Variants in TMF1 observed in about 807,000 individuals in gnomAD.
TMF1 encodes the protein TATA element modulatory factor 1.
TMF1 carries 71 observed loss-of-function variants against 126.5 expected under a neutral mutation model. The observed-to-expected ratio is 0.56, with a 90% CI of 0.46 to 0.68. The LOEUF is 0.68. Among genes scored for constraint, TMF1 ranks in the 30% least tolerant of loss-of-function variants. TMF1 has a pLI of 0.00. For missense variants in TMF1, 1,259 were observed against 1,253.2 expected (o/e 1.00, Z -0.07); for synonymous variants, 461 against 430.5 (o/e 1.07, Z -0.88).
At chr3:69,034,604 T>C (rs2091822365) in intron 9 of TMF1, among the ~76,000 whole-genome samples, 1 of 152,242 alleles carries the variant, frequency 6.6e-6, no homozygotes, top group Non-Finnish European at 1.5e-5. Context: ...CATCCAAATA[T>C]TTCTAAGTAT....
At chr3:69,023,657 T>C (rs1045982933) in intron 16 of TMF1, among the ~76,000 whole-genome samples, 1 of 152,108 alleles carries the variant, frequency 6.6e-6, no homozygotes, top group Non-Finnish European at 1.5e-5. Context: ...TTACCCGGCA[T>C]TTAGCCCACA....
intron 2 of TMF1, among the ~76,000 whole-genome samples, chr3:69,044,840 G>T (rs994837311): frequency 7.9e-5 from 12 of 152,112 alleles, no homozygotes; most frequent in Admixed American, 7.9e-4. Context: ...AAACAATTAG[G>T]CAATATCTAG....
intron 8 of TMF1, among the ~76,000 whole-genome samples, chr3:69,036,102 C>G (rs1195910810): frequency 6.6e-6 from 1 of 152,026 alleles, no homozygotes; most frequent in Non-Finnish European, 1.5e-5. Context: ...TAAGAAATAG[C>G]TGAAAATACT....
At chr3:69,024,222 CTTT>C in intron 15 of TMF1, 42 bp from the exon 16 acceptor site, 3 of 1,462,660 alleles carry the variant, frequency 2.1e-6, no homozygotes, top group Non-Finnish European at 2.7e-6. Flanking sequence ...CAAAACATAT[CTTT>C]TTTAATACTC....
Position 69,048,564 on chromosome 3 carries a change from T to C in TMF1, c.143-2A>G. On this transcript the variant is annotated splice_acceptor_variant, in intron 1 of 16. Transcript: ENST00000398559. LOFTEE classifies it high-confidence loss of function. The stretch of plus-strand genomic sequence containing the variant: ...CTCCACTGACAGGGGAACTTATTCC[T>C]TTAACAAAAAAGTAAATATTAAAAA... 1 of 1,564,602 alleles carries C rather than the reference T, an allele frequency of 6.4e-7. No homozygotes were observed. Among genetic ancestry groups the C allele is most frequent in the Non-Finnish European group, 8.6e-7 (1 of 1,159,092 alleles).
chr3:69,031,529 A>G (rs1462146731), intron 10 of TMF1, among the ~76,000 whole-genome samples: 2 of 152,174 alleles, frequency 1.3e-5, no homozygotes, highest in Non-Finnish European at 2.9e-5. Context: ...TTATACATTA[A>G]TTTTGTAAGA....
chr3:69,026,489 G>A (rs559834999), intron 13 of TMF1, among the ~76,000 whole-genome samples: 10 of 152,130 alleles, frequency 6.6e-5, no homozygotes, highest in Admixed American at 2.6e-4. Flanking sequence ...CCAGCTACTC[G>A]GGAGGCTGAG....
Position 69,038,622 on chromosome 3 carries a change from G to T in TMF1, c.2093C>A (p.Ala698Glu). 3.1e-6 allele frequency: 5 copies of T among 1,614,098 alleles called. No homozygotes were observed. The highest frequency in any genetic ancestry group is 4.2e-6 in the Non-Finnish European group (5 of 1,179,996). ...REMKAKEELS[A>E]ALEKAQEEAR... The stretch of plus-strand genomic sequence containing the variant: ...TTCTTCTTGGGCCTTCTCTAATGCT[G>T]CAGAAAGTTCTTCTTTAGCTTTCAT... Residue 698 changes from alanine to glutamate, a missense_variant, in exon 8 of 17, where the codon GCA becomes GAA. Ala to Glu is a moderately radical substitution (Grantham distance 107). Transcript: ENST00000398559.
intron 3 of TMF1, 145 bp from the exon 4 acceptor site, chr3:69,044,021 G>GA (rs981655529): frequency 1.8e-3 from 923 of 502,952 alleles, no homozygotes; most frequent in South Asian, 2.1e-3. Flanking sequence ...TAACTTTTAA[G>GA]AAAAAAAAAG....
At chr3:69,029,329 G>A (rs1052053108) in intron 11 of TMF1, among the ~76,000 whole-genome samples, 9 of 151,826 alleles carry the variant, frequency 5.9e-5, no homozygotes, top group African/African-American at 2.2e-4. Flanking sequence ...CACAGCACCC[G>A]GCCATAATAT....
At chr3:69,044,631 A>T in intron 2 of TMF1, 36 bp from the exon 3 acceptor site, 1 of 1,439,534 alleles carries the variant, frequency 6.9e-7, no homozygotes, top group Non-Finnish European at 9.6e-7. Context: ...CAGAACGCTT[A>T]GCTTTAAAAA....
intron 10 of TMF1, among the ~76,000 whole-genome samples, chr3:69,031,435 CAT>C (rs770131669): frequency 5.9e-5 from 9 of 151,996 alleles, no homozygotes; most frequent in Admixed American, 3.3e-4. Flanking sequence ...CACACACACA[CAT>C]ACACAAATGA....
intron 15 of TMF1, 157 bp from the exon 16 acceptor site, chr3:69,024,337 A>T (rs550627704): frequency 1.7e-6 from 1 of 586,830 alleles, no homozygotes; most frequent in African/African-American, 2.0e-5. Flanking sequence ...TAAGTAAAGG[A>T]AACAGTGGCA....
At chr3:69,031,081 T>C (rs2091799317) in intron 10 of TMF1, among the ~76,000 whole-genome samples, 2 of 152,190 alleles carry the variant, frequency 1.3e-5, no homozygotes, top group South Asian at 2.1e-4. Flanking sequence ...AAACTACCGA[T>C]ACAAAAACAA....
intron 2 of TMF1, 146 bp downstream of exon 2, chr3:69,047,212 G>T: frequency 2.3e-6 from 2 of 864,884 alleles, no homozygotes; most frequent in Non-Finnish European, 1.7e-6. Context: ...TCAACTTCAA[G>T]GTACTTAATG....
chr3:69,052,238 G>A lies in TMF1; in HGVS notation c.-152C>T. On this transcript the variant is annotated 5_prime_UTR_variant, in exon 1 of 17. Transcript: ENST00000398559. ...TACCCCGACAGCCTCCCGCGAGCCC[G>A]GGATGTTACCCTCGGCCGTTCCCGC... The A allele has an allele frequency of 2.4e-6, 2 of 838,042 alleles. No homozygotes were observed. Among genetic ancestry groups the A allele is most frequent in the South Asian group, 1.9e-5 (1 of 52,074 alleles). 51.9% of individuals were successfully genotyped at this position (838,042 alleles called of 1,614,324 possible).
intron 12 of TMF1, 23 bp from the exon 13 acceptor site, chr3:69,028,015 G>A: frequency 7.2e-7 from 1 of 1,395,166 alleles, no homozygotes. Context: ...AATAAAGTTA[G>A]ACAATTTCTG....
chr3:69,045,572 G>A (rs2091891016), intron 2 of TMF1, among the ~76,000 whole-genome samples: 1 of 152,044 alleles, frequency 6.6e-6, no homozygotes, highest in African/African-American at 2.4e-5. Context: ...TTGAGGTCAG[G>A]AGTTCAAGAC....
Position 69,044,121 on chromosome 3 carries a change from A to C in TMF1, c.1452-245T>G, listed in dbSNP as rs190004919. Among the ~76,000 whole-genome samples the C allele has an allele frequency of 1.4e-4, 22 of 152,344 alleles. No individual in the cohort carries two copies. In the East Asian group the frequency reaches 4.0e-3, roughly 28 times the overall value. On this transcript the variant is annotated intron_variant, in intron 3 of 16. Coordinates refer to ENST00000398559, the MANE Select transcript of TMF1 (RefSeq NM_007114.3). ...TCACCAATATCTGACATGTAAAAAT[A>C]AGAGAAGAGTAAATACAATGTTTCA...
Sources: allele counts gnomAD v4.1 joint callset (sites outside exome capture counted in the v4.1 genomes callset), GRCh38; gene constraint gnomAD v4.1.1; transcripts MANE v1.5; gene names NCBI Gene and HGNC (gene_info 2026-07-23, HGNC 2026-07-21).